Variants in PCNT observed in about 807,000 individuals in gnomAD.
The protein encoded by PCNT is kendrin.
PCNT carries 319 observed loss-of-function variants against 380.4 expected under a neutral mutation model. That is an observed-to-expected ratio of 0.84 (90% CI 0.77 to 0.92). The LOEUF (loss-of-function observed/expected upper bound fraction) is 0.92, where lower values mean the gene tolerates loss of function less well. Ranked by LOEUF, PCNT falls within the 40% of genes least tolerant of loss-of-function variation. The pLI is 0.00. For synonymous variants in PCNT, 1,845 were observed against 1,735.2 expected (o/e 1.06, Z -1.57); for missense variants, 4,400 against 4,255.3 (o/e 1.03, Z -0.95).
chr21:46,374,245 T>C (rs1320770944), intron 15 of PCNT, among the ~76,000 whole-genome samples: 1 of 152,150 alleles, frequency 6.6e-6, no homozygotes, highest in Non-Finnish European at 1.5e-5. Flanking sequence ...CCTGATTGTT[T>C]AGAAGCAAAT....
intron 21 of PCNT, among the ~76,000 whole-genome samples, chr21:46,393,338 G>A (rs907637326): frequency 1.3e-5 from 2 of 152,180 alleles, no homozygotes; most frequent in Non-Finnish European, 2.9e-5. Flanking sequence ...TTTCAGGAAC[G>A]TCTCTGACGT....
chr21:46,355,681 T>C, intron 12 of PCNT, 55 bp downstream of exon 12: 1 of 1,583,876 alleles, frequency 6.3e-7, no homozygotes, highest in Non-Finnish European at 8.6e-7. Flanking sequence ...TGGGGGACGT[T>C]CTCGGGGAGC....
At chr21:46,356,899 C>A (rs775979704) in intron 12 of PCNT, 75 bp from the exon 13 acceptor site, 1 of 1,272,402 alleles carries the variant, frequency 7.9e-7, no homozygotes, top group Non-Finnish European at 1.1e-6. Flanking sequence ...GGTTGCCGTT[C>A]TGCCTGTGCG....
chr21:46,433,103 C>G (rs951226921), intron 38 of PCNT, among the ~76,000 whole-genome samples: 1 of 152,106 alleles, frequency 6.6e-6, no homozygotes, highest in Admixed American at 6.5e-5. Flanking sequence ...GAGAGCAGGC[C>G]GGGCACGGTG....
At chr21:46,330,835 C>T (rs1344488968) in intron 2 of PCNT, among the ~76,000 whole-genome samples, 2 of 152,208 alleles carry the variant, frequency 1.3e-5, no homozygotes, top group African/African-American at 4.8e-5. Flanking sequence ...GGGCACTCCC[C>T]TCTCAGATGG....
At chr21:46,367,170 G>A in intron 15 of PCNT, 31 bp downstream of exon 15, 2 of 1,591,282 alleles carry the variant, frequency 1.3e-6, no homozygotes, top group Non-Finnish European at 1.7e-6. Context: ...CCCAGCCCAG[G>A]GCAGGCCTCT....
At chr21:46,432,863 C>T (rs984185409) in intron 38 of PCNT, among the ~76,000 whole-genome samples, 10 of 152,304 alleles carry the variant, frequency 6.6e-5, no homozygotes, top group South Asian at 2.1e-4. Context: ...TCAGGTGATC[C>T]GCCCGCCTGG....
chr21:46,427,291 C>T (rs2087548314), intron 33 of PCNT, among the ~76,000 whole-genome samples: 2 of 152,222 alleles, frequency 1.3e-5, no homozygotes, highest in Non-Finnish European at 2.9e-5. Context: ...GAACGGCTGT[C>T]AGTCTGCTCA....
At chr21:46,420,598 C>G (rs1166665247) in intron 31 of PCNT, 1 of 152,448 alleles carries the variant, frequency 6.6e-6, no homozygotes, top group Non-Finnish European at 1.5e-5. Flanking sequence ...GCTGAAGGCA[C>G]AGGGTCCAGT....
intron 3 of PCNT, among the ~76,000 whole-genome samples, chr21:46,339,306 C>T (rs2083849354): frequency 6.6e-6 from 1 of 152,172 alleles, no homozygotes; most frequent in African/African-American, 2.4e-5. Flanking sequence ...CTCTGCCCCT[C>T]TCTAGCTTGT....
At position 46,388,862 on chromosome 21, in the gene PCNT, C is replaced by T. The variant is rs776245853; in HGVS notation, c.3585C>T (p.Gly1195=). The T allele has an allele frequency of 8.6e-5, 139 of 1,607,342 alleles. 1 individual carries two copies. Among genetic ancestry groups the T allele is most frequent in the Non-Finnish European group, 3.9e-5 (46 of 1,179,502 alleles). ...TGGGGCTCTGCCTGGATGACGCGGGCGCAGGCCTGGCCCTGTCGACAGGTG... is the reference window on the plus strand; with the variant it reads ...TGGGGCTCTGCCTGGATGACGCGGGTGCAGGCCTGGCCCTGTCGACAGGTG... ...ERVGLCLDDA[G]AGLALSTAPA... Residue 1195 remains glycine, a synonymous_variant, in exon 18 of 47, where the codon GGC becomes GGT. Coordinates refer to ENST00000359568, the MANE Select transcript of PCNT (RefSeq NM_006031.6). This position sits in a 1 kb window ranked among gnomAD's most constrained non-coding sequence, Gnocchi z 4.2.
chr21:46,330,627 AAGG>A (rs2083529310), intron 2 of PCNT, among the ~76,000 whole-genome samples: 1 of 129,978 alleles, frequency 7.7e-6, no homozygotes, highest in Non-Finnish European at 1.8e-5. Context: ...TCAGTCTAAA[AAGG>A]AGTTTTTTTC....
intron 41 of PCNT, among the ~76,000 whole-genome samples, chr21:46,439,667 T>G (rs1170794463): frequency 2.0e-5 from 3 of 152,202 alleles, no homozygotes; most frequent in African/African-American, 7.2e-5. Flanking sequence ...CCACAGTTGG[T>G]TGAATCCATG....
At chr21:46,328,946 G>C (rs1463124763) in intron 2 of PCNT, among the ~76,000 whole-genome samples, 2 of 151,638 alleles carry the variant, frequency 1.3e-5, no homozygotes, top group East Asian at 3.9e-4. Flanking sequence ...GCTAATTTTT[G>C]TATTTGTTTG....
intron 2 of PCNT, among the ~76,000 whole-genome samples, chr21:46,331,596 T>C (rs1340536956): frequency 6.6e-6 from 1 of 151,250 alleles, no homozygotes; most frequent in East Asian, 2.0e-4. Context: ...TGAAACTCTG[T>C]CTCTATGAAA....
intron 41 of PCNT, 140 bp downstream of exon 41, chr21:46,438,477 T>C: frequency 1.4e-6 from 1 of 737,302 alleles, no homozygotes; most frequent in South Asian, 1.5e-5. Flanking sequence ...CAGGCTCTGT[T>C]GCCTCTGTCT....
chr21:46,377,771 C>T (rs560699907), intron 15 of PCNT, among the ~76,000 whole-genome samples: 1 of 152,184 alleles, frequency 6.6e-6, no homozygotes, highest in Non-Finnish European at 1.5e-5. Flanking sequence ...CACTGGAGCC[C>T]AGAAGGTTGA....
rs1257064306 is a variant in PCNT at position 46,442,674 on chromosome 21, A to G, written c.9700+101A>G. 6 of 797,474 alleles carry G rather than the reference A, an allele frequency of 7.5e-6. No homozygotes were observed. The Admixed American group carries it at 7.7e-5, about 10-fold the overall frequency. The allele number at this position is 797,474 out of a possible 1,614,324, so 49.4% of individuals were successfully genotyped here. On this transcript the variant is annotated intron_variant, in intron 44 of 46. Coordinates refer to ENST00000359568, the MANE Select transcript of PCNT (RefSeq NM_006031.6). ...CATTTTTCAGTGTTGATGGGGACGTAATAAAGCACGGTAAGAAAATCCGTG... is the reference window on the plus strand; with the variant it reads ...CATTTTTCAGTGTTGATGGGGACGTGATAAAGCACGGTAAGAAAATCCGTG...
In PCNT at chr21:46,401,624, C is replaced by A; in HGVS notation, c.4865C>A (p.Ala1622Glu). 3.1e-6 allele frequency: 5 copies of A among 1,613,878 alleles called. No homozygotes were observed. Among genetic ancestry groups the A allele is most frequent in the South Asian group, 1.1e-5 (1 of 91,080 alleles). The change falls in exon 26 of 47, where the codon GCA becomes GAA. Residue 1622 changes from alanine to glutamate, a missense_variant. Physicochemically the swap from Ala to Glu is moderately radical, Grantham distance 107 (BLOSUM62 -1). Coordinates refer to ENST00000359568, the MANE Select transcript of PCNT (RefSeq NM_006031.6). The stretch of plus-strand genomic sequence containing the variant: ...TCCACGTTGCAGTCTACACTAGATG[C>A]AGGCAGATGTCCCGAGCCTCCTTCG... ...LASTLQSTLD[A>E]GRCPEPPSGS... is the part of the protein sequence containing the mutation.
Sources: gnomAD v4.1 joint callset for allele counts (sites outside exome capture counted in the v4.1 genomes callset) on GRCh38, gnomAD v4.1.1 for gene constraint, Gnocchi (gnomAD v3.1) non-coding constraint, MANE v1.5 for transcripts, NCBI Gene and HGNC (gene_info 2026-07-23, HGNC 2026-07-21) for gene names.